The following FAM135B variants were observed in gnomAD, a reference collection of about 807,000 sequenced individuals.
FAM135B encodes the protein family with sequence similarity 135 member B.
Under a neutral mutation model 127.7 loss-of-function variants are expected in FAM135B, and 43 were observed. The observed-to-expected ratio is 0.34, with a 90% CI of 0.26 to 0.43. The LOEUF (loss-of-function observed/expected upper bound fraction) is 0.43, where lower values mean the gene tolerates loss of function less well. Ranked by LOEUF, FAM135B falls within the 20% of genes least tolerant of loss-of-function variation. The probability of loss-of-function intolerance (pLI) is 1.00; values close to 1 mark genes in which losing one functional copy is unlikely to be tolerated. For missense variants in FAM135B, 1,558 were observed against 1,725.6 expected (o/e 0.90, Z 1.72); for synonymous variants, 670 against 665.1 (o/e 1.01, Z -0.11).
intron 12 of FAM135B, among the ~76,000 whole-genome samples, chr8:138,166,869 A>G (rs1370186928): frequency 2.0e-5 from 3 of 152,234 alleles, no homozygotes; most frequent in Non-Finnish European, 2.9e-5. Context: ...TTCACAATCA[A>G]TCAGGAATAT....
chr8:138,309,215 A>T (rs1342465021), intron 3 of FAM135B, among the ~76,000 whole-genome samples: 1 of 152,158 alleles, frequency 6.6e-6, no homozygotes, highest in Non-Finnish European at 1.5e-5. Flanking sequence ...CTCTGTGGAC[A>T]TCAGGGACCT....
At chr8:138,285,097 T>C (rs1488544710) in intron 3 of FAM135B, among the ~76,000 whole-genome samples, 1 of 149,044 alleles carries the variant, frequency 6.7e-6, no homozygotes, top group African/African-American at 2.5e-5. Context: ...GAAATGAAAT[T>C]AAAAATCAAA....
intron 1 of FAM135B, among the ~76,000 whole-genome samples, chr8:138,378,582 T>C (rs1310606781): frequency 6.6e-6 from 1 of 152,184 alleles, no homozygotes; most frequent in African/African-American, 2.4e-5. Context: ...CTTCAGGGCC[T>C]CCCTGCTGAT....
At chr8:138,170,423 T>C (rs1026966507) in intron 11 of FAM135B, among the ~76,000 whole-genome samples, 1 of 152,086 alleles carries the variant, frequency 6.6e-6, no homozygotes, top group Non-Finnish European at 1.5e-5. Flanking sequence ...GGTTTTTCCG[T>C]GTTGGTCAGG....
At chr8:138,157,165 T>C (rs1365991595) in intron 12 of FAM135B, among the ~76,000 whole-genome samples, 1 of 152,060 alleles carries the variant, frequency 6.6e-6, no homozygotes, top group Non-Finnish European at 1.5e-5. Flanking sequence ...TAAACGTAAT[T>C]CATCATACAA....
At chr8:138,270,116 T>A (rs1823258307) in intron 3 of FAM135B, among the ~76,000 whole-genome samples, 1 of 151,746 alleles carries the variant, frequency 6.6e-6, no homozygotes, top group African/African-American at 2.4e-5. Context: ...GGTAGGGAGG[T>A]CCAATACATG....
At chr8:138,425,500 G>C (rs548314863) in intron 1 of FAM135B, 2 of 151,954 alleles carry the variant, frequency 1.3e-5, no homozygotes, top group Admixed American at 1.3e-4. Context: ...AAACTGTCCA[G>C]AGAGAAAGCA....
At chr8:138,321,760 A>G (rs1007451111) in intron 2 of FAM135B, among the ~76,000 whole-genome samples, 2 of 152,230 alleles carry the variant, frequency 1.3e-5, no homozygotes, top group Non-Finnish European at 2.9e-5. Flanking sequence ...TATAATAAAA[A>G]CAATGATGAT....
intron 7 of FAM135B, among the ~76,000 whole-genome samples, chr8:138,208,290 A>G (rs1009154389): frequency 6.6e-6 from 1 of 152,218 alleles, no homozygotes; most frequent in Non-Finnish European, 1.5e-5. Context: ...AAAAATTAAA[A>G]AAAGAAAAAG....
At chr8:138,232,870 T>C (rs1820005588) in intron 7 of FAM135B, among the ~76,000 whole-genome samples, 1 of 152,218 alleles carries the variant, frequency 6.6e-6, no homozygotes. Context: ...ATAGGCACAA[T>C]GTTGTACAGC....
intron 2 of FAM135B, among the ~76,000 whole-genome samples, chr8:138,366,283 C>T (rs776627650): frequency 6.6e-6 from 1 of 152,104 alleles, no homozygotes; most frequent in Non-Finnish European, 1.5e-5. Flanking sequence ...ATGATGGAAA[C>T]CTGACATTAT....
At chr8:138,368,152 GAA>G in intron 1 of FAM135B, 150 bp from the exon 2 acceptor site, 1 of 614,794 alleles carries the variant, frequency 1.6e-6, no homozygotes, top group South Asian at 2.0e-5. Flanking sequence ...TCCTTTTATG[GAA>G]AAAGACACAG....
intron 1 of FAM135B, among the ~76,000 whole-genome samples, chr8:138,433,178 T>G (rs1218094600): frequency 6.6e-6 from 1 of 152,180 alleles, no homozygotes; most frequent in Non-Finnish European, 1.5e-5. Flanking sequence ...CTTGTTATAT[T>G]TCAGGAACTG....
intron 1 of FAM135B, among the ~76,000 whole-genome samples, chr8:138,457,706 T>C (rs892389679): frequency 4.6e-5 from 7 of 152,152 alleles, no homozygotes; most frequent in Non-Finnish European, 1.0e-4. Context: ...GCATAGTGGC[T>C]CACGCCTGTA....
intron 9 of FAM135B, among the ~76,000 whole-genome samples, chr8:138,191,702 C>T (rs3889674): frequency 0.16 from 24,428 of 152,102 alleles, 2,311 homozygotes; most frequent in East Asian, 0.32. Flanking sequence ...GAATGGCAGT[C>T]GTTCCCAGGA....
chr8:138,130,465 A>G lies in FAM135B; in HGVS notation c.*2128T>C, dbSNP rs1350621501. ...TTAGTTCTCACTATGTCCAGACAGCATATTGAAGTTAAAAATGGCATCTGG... is the reference window on the plus strand; with the variant it reads ...TTAGTTCTCACTATGTCCAGACAGCGTATTGAAGTTAAAAATGGCATCTGG... On this transcript the variant is annotated 3_prime_UTR_variant, in exon 20 of 20. Transcript: ENST00000395297. 6.6e-6 allele frequency: 1 copy of G among 152,186 alleles called. No homozygotes were observed. Among genetic ancestry groups the G allele is most frequent in the Non-Finnish European group, 1.5e-5 (1 of 68,024 alleles). The allele number at this position is 152,186 out of a possible 1,614,324, so 9.4% of individuals were successfully genotyped here.
At chr8:138,307,328 G>A (rs1036094895) in intron 3 of FAM135B, among the ~76,000 whole-genome samples, 3 of 152,132 alleles carry the variant, frequency 2.0e-5, no homozygotes, top group Non-Finnish European at 2.9e-5. Flanking sequence ...TGATTGTGAG[G>A]TTTCCCCACC....
At chr8:138,172,989 A>G (rs1820595408) in intron 11 of FAM135B, among the ~76,000 whole-genome samples, 1 of 152,174 alleles carries the variant, frequency 6.6e-6, no homozygotes, top group Non-Finnish European at 1.5e-5. Context: ...CTGAGCGTGC[A>G]TGGCCCCTGT....
intron 2 of FAM135B, among the ~76,000 whole-genome samples, chr8:138,350,961 C>G (rs1829739102): frequency 6.6e-6 from 1 of 152,038 alleles, no homozygotes; most frequent in East Asian, 1.9e-4. Flanking sequence ...ACCATGTAAC[C>G]CTAGGGTGAC....
Sources: gnomAD v4.1 joint callset for allele counts (sites outside exome capture counted in the v4.1 genomes callset) on GRCh38, gnomAD v4.1.1 for gene constraint, MANE v1.5 for transcripts, NCBI Gene and HGNC (gene_info 2026-07-23, HGNC 2026-07-21) for gene names.